The following CAMSAP3 variants were observed in gnomAD, a reference collection of about 807,000 sequenced individuals.
CAMSAP3 encodes the protein calmodulin regulated spectrin associated protein family member 3.
A neutral mutation model predicts 112.5 loss-of-function variants in CAMSAP3; 34 were observed. That is an observed-to-expected ratio of 0.30 (90% CI 0.23 to 0.40). The LOEUF is 0.40. Among genes scored for constraint, CAMSAP3 ranks in the 10% least tolerant of loss-of-function variants. The pLI is 1.00. For missense variants in CAMSAP3, 1,602 were observed against 1,770.3 expected, an observed-to-expected ratio of 0.90 and a Z score of 1.71; for synonymous variants, 868 against 799.8, an observed-to-expected ratio of 1.09 and a Z score of -1.44.
In CAMSAP3 at chr19:7,615,608, C is replaced by A; in HGVS notation, c.3001C>A (p.Arg1001=). The change falls in exon 13 of 17, where the codon CGG becomes AGG. Residue 1001 remains arginine (R), a synonymous_variant. Coordinates refer to ENST00000160298, the MANE Select transcript of CAMSAP3 (RefSeq NM_020902.2). The surrounding 1 kb of genome is among the most constrained non-coding windows in gnomAD (Gnocchi z 6.5). Reference sequence around the variant, plus strand: ...CGACCTCGATAAGGTGCTGCGGCCCCGGGCTGCGGGGTCCGGGGGTCCAGG... The same window carrying A: ...CGACCTCGATAAGGTGCTGCGGCCCAGGGCTGCGGGGTCCGGGGGTCCAGG... ...MDDLDKVLRP[R]AAGSGGPGRG... The A allele has an allele frequency of 6.8e-7, 1 of 1,461,074 alleles. No individual in the cohort carries two copies. Among genetic ancestry groups the A allele is most frequent in the Non-Finnish European group, 9.0e-7 (1 of 1,107,630 alleles). The allele number at this position is 1,461,074 out of a possible 1,614,324, so 90.5% of individuals were successfully genotyped here.
chr19:7,605,584 T>G (rs1298081736), intron 2 of CAMSAP3, 105 bp downstream of exon 2: 11 of 1,278,886 alleles, frequency 8.6e-6, no homozygotes, highest in Non-Finnish European at 1.1e-5. Flanking sequence ...CTATCAGTCT[T>G]GGCTCCTTTC....
At chr19:7,616,151 T>A (rs1241748428) in intron 13 of CAMSAP3, among the ~76,000 whole-genome samples, 1 of 148,788 alleles carries the variant, frequency 6.7e-6, no homozygotes, top group African/African-American at 2.5e-5. Flanking sequence ...TGCACCACTG[T>A]ACTCCAGCCT....
intron 2 of CAMSAP3, 126 bp downstream of exon 2, chr19:7,605,605 G>T: frequency 8.8e-7 from 1 of 1,132,326 alleles, no homozygotes; most frequent in East Asian, 3.1e-5. Context: ...AAGCTTTGTC[G>T]ATTAAGCCTA....
chr19:7,595,932 G>C lies in CAMSAP3; in HGVS notation c.-71G>C. ...GGTAGCAGCAGCGGGCCCGGCTGGG[G>C]CGCGAGCGCGGCGCAGCCCAGCCCA... On this transcript the variant is annotated 5_prime_UTR_variant, in exon 1 of 17. Transcript: ENST00000160298. 1 of 782,938 alleles carries C rather than the reference G, an allele frequency of 1.3e-6. No homozygotes were observed. Among genetic ancestry groups the C allele is most frequent in the Non-Finnish European group, 1.6e-6 (1 of 644,882 alleles). 48.5% of individuals were successfully genotyped at this position (782,938 alleles called of 1,614,324 possible). A position where few individuals can be genotyped will look rare whatever the true frequency, so the allele number is the denominator to read the frequency against.
intron 11 of CAMSAP3, chr19:7,614,921 GCACT>G: frequency 1.7e-6 from 1 of 574,544 alleles, no homozygotes. Flanking sequence ...GCTTTTGCTG[GCACT>G]CACTGCTGTC....
At chr19:7,606,856 C>CTCTG in intron 4 of CAMSAP3, 1 of 1,597,118 alleles carries the variant, frequency 6.3e-7, no homozygotes, top group Non-Finnish European at 8.6e-7. Context: ...CTGCTTGTAG[C>CTCTG]TCTGTCTGTC....
Position 7,617,419 on chromosome 19 carries a change from G to A in CAMSAP3, c.3306G>A (p.Ala1102=), listed in dbSNP as rs368269964. Residue 1102 remains alanine (A), a synonymous_variant, in exon 15 of 17, where the codon GCG becomes GCA. Coordinates refer to ENST00000160298, the MANE Select transcript of CAMSAP3 (RefSeq NM_020902.2). The surrounding 1 kb of genome is among the most constrained non-coding windows in gnomAD (Gnocchi z 7.5). ...WENGSNASSP[A]SVPEYTGPRL... is the part of the protein sequence containing the mutation. Reference sequence around the variant, plus strand: ...ATGGCAGCAATGCCTCCTCCCCAGCGTCAGTGCCCGAGTACACAGGTAAGC... The same window carrying A: ...ATGGCAGCAATGCCTCCTCCCCAGCATCAGTGCCCGAGTACACAGGTAAGC... 105 of 1,613,870 alleles carry A rather than the reference G, an allele frequency of 6.5e-5. No homozygotes were observed. The highest frequency in any genetic ancestry group is 8.1e-5 in the Non-Finnish European group (95 of 1,179,958).
rs77895469 is a variant in CAMSAP3 at position 7,612,687 on chromosome 19, G to A, written c.2194G>A (p.Glu732Lys). Reference sequence around the variant, plus strand: ...GCAGCAGCGGCTCCTGGCCCCGCCCGAGGCCCCCGGATCCGCCCCACCACC... The same window carrying A: ...GCAGCAGCGGCTCCTGGCCCCGCCCAAGGCCCCCGGATCCGCCCCACCACC... ...DQQQRLLAPP[E>K]APGSAPPPAA... Residue 732 changes from glutamate to lysine, a missense_variant, in exon 11 of 17, where the codon GAG (glutamate) becomes AAG (lysine). Coordinates refer to ENST00000160298, the MANE Select transcript of CAMSAP3 (RefSeq NM_020902.2). The A allele has an allele frequency of 6.6e-7, 1 of 1,513,064 alleles. No individual in the cohort carries two copies. The highest frequency in any genetic ancestry group is 8.8e-7 in the Non-Finnish European group (1 of 1,133,150). The allele number at this position is 1,513,064 out of a possible 1,614,324, so 93.7% of individuals were successfully genotyped here. A position where few individuals can be genotyped will look rare whatever the true frequency, so the allele number is the denominator to read the frequency against.
rs771062284 is a variant in CAMSAP3, at chr19:7,611,785, G to C, written c.1292G>C (p.Ser431Thr). ...GACCCTGTGCTCCTCCGCTCTGTGA[G>C]CTCGGACAGCCTGGGCCCCCCGCGT... ...MGDPVLLRSV[S>T]SDSLGPPRPA... Residue 431 changes from serine to threonine, a missense_variant, in exon 11 of 17, where the codon AGC (serine) becomes ACC (threonine). Transcript: ENST00000160298. This position sits in a 1 kb window ranked among gnomAD's most constrained non-coding sequence, Gnocchi z 6.9. 1 of 1,597,512 alleles carries C rather than the reference G, an allele frequency of 6.3e-7. No homozygotes were observed. The highest frequency in any genetic ancestry group is 8.5e-7 in the Non-Finnish European group (1 of 1,172,536).
At position 7,606,727 on chromosome 19, in the gene CAMSAP3, G is replaced by A. The variant is rs758114281; in HGVS notation, c.621+156G>A. On this transcript the variant is annotated intron_variant, in intron 4 of 16. Transcript: ENST00000160298. The stretch of plus-strand genomic sequence containing the variant: ...CTCTCAATCTCTCTGTGCCCTGCCC[G>A]TCCCCTGTGCCGGTACCCGCTGCCC... 2.3e-5 allele frequency: 37 copies of A among 1,612,014 alleles called. No individual in the cohort carries two copies. In the East Asian group the frequency reaches 6.0e-4, roughly 26 times the overall value.
chr19:7,611,915 C>G lies in CAMSAP3; in HGVS notation c.1422C>G (p.Leu474=). The G allele has an allele frequency of 6.3e-7, 1 of 1,587,160 alleles. No individual in the cohort carries two copies. The highest frequency in any genetic ancestry group is 1.1e-5 in the South Asian group (1 of 88,792). Residue 474 remains leucine, a synonymous_variant, in exon 11 of 17, where the codon CTC becomes CTG. Transcript: ENST00000160298. This position sits in a 1 kb window ranked among gnomAD's most constrained non-coding sequence, Gnocchi z 6.9. ...QIIHSAEPRL[L]PDGAADGSFY... ...TCCACAGTGCCGAGCCCCGGCTCCT[C>G]CCAGATGGGGCGGCCGACGGCAGCT...
intron 1 of CAMSAP3, among the ~76,000 whole-genome samples, chr19:7,598,691 G>A (rs1568437315): frequency 6.6e-6 from 1 of 152,138 alleles, no homozygotes; most frequent in Non-Finnish European, 1.5e-5. Flanking sequence ...GGGAGGCTGA[G>A]GCAGGAGAAT....
At chr19:7,596,270 G>A in intron 1 of CAMSAP3, 120 bp downstream of exon 1, 2 of 388,954 alleles carry the variant, frequency 5.1e-6, no homozygotes, top group Non-Finnish European at 7.1e-6. Context: ...GCCGGCCGCC[G>A]GGGGTCCCCG....
chr19:7,596,555 T>A (rs530219504), intron 1 of CAMSAP3, among the ~76,000 whole-genome samples: 1 of 151,974 alleles, frequency 6.6e-6, no homozygotes, highest in East Asian at 2.0e-4. Context: ...CCTGCGAGGA[T>A]CTCCTCTCGG....
Position 7,613,009 on chromosome 19 carries a change from C to G in CAMSAP3, c.2516C>G (p.Ala839Gly). 1 of 1,564,158 alleles carries G rather than the reference C, an allele frequency of 6.4e-7. No individual in the cohort carries two copies. The highest frequency in any genetic ancestry group is 1.9e-5 in the Admixed American group (1 of 53,762). Residue 839 changes from alanine to glycine, a missense_variant, in exon 11 of 17, where the codon GCC becomes GGC. Around this residue, in one of 6 missense-constraint regions of CAMSAP3, gnomAD observed 1,100 missense variants for 1,135.7 expected, o/e 0.97. Transcript: ENST00000160298. ...GAGACGCCCCCCGAGGAGCCAGCCG[C>G]CCGGCCGGGCCTCATCGAGATCCCG... ...AEETPPEEPA[A>G]RPGLIEIPLG...
At position 7,615,375 on chromosome 19, in the gene CAMSAP3, G is replaced by A. The variant is rs1374567625; in HGVS notation, c.2811-43G>A. The A allele has an allele frequency of 6.5e-7, 1 of 1,533,920 alleles. No individual in the cohort carries two copies. The highest frequency in any genetic ancestry group is 8.8e-7 in the Non-Finnish European group (1 of 1,138,206). On this transcript the variant is annotated intron_variant, in intron 12 of 16. Transcript: ENST00000160298. This position sits in a 1 kb window ranked among gnomAD's most constrained non-coding sequence, Gnocchi z 6.5. ...GCTCCTTGGCCTGTCTGCCACCGCG[G>A]ACCCCGTGAGCGGTTCTGATGCCGA...
rs1024891078 is a variant in CAMSAP3 at position 7,615,912 on chromosome 19, G to A, written c.3112+193G>A. ...TGGGTAAAGACTTCCATAGGGGGCC[G>A]GGCGCGGTGGCTCACGCCTGTAATC... On this transcript the variant is annotated intron_variant, in intron 13 of 16. Coordinates refer to ENST00000160298, the MANE Select transcript of CAMSAP3 (RefSeq NM_020902.2). The surrounding 1 kb of genome is among the most constrained non-coding windows in gnomAD (Gnocchi z 6.5). Among the ~76,000 whole-genome samples, 5 of 152,118 alleles carry A rather than the reference G, an allele frequency of 3.3e-5. No individual in the cohort carries two copies. Among genetic ancestry groups the A allele is most frequent in the African/African-American group, 7.2e-5 (3 of 41,436 alleles).
At chr19:7,606,660 G>A in intron 4 of CAMSAP3, 89 bp downstream of exon 4, 1 of 1,546,980 alleles carries the variant, frequency 6.5e-7, no homozygotes, top group Non-Finnish European at 8.8e-7. Flanking sequence ...CCTGAAGTGG[G>A]GAGGGGGCTA....
Position 7,612,377 on chromosome 19 carries a change from C to T in CAMSAP3, c.1884C>T (p.His628=). Residue 628 remains histidine (H), a synonymous_variant, in exon 11 of 17, where the codon CAC becomes CAT. Coordinates refer to ENST00000160298, the MANE Select transcript of CAMSAP3 (RefSeq NM_020902.2). ...KRRIEAIFAK[H]RQRLGKSAFL... The stretch of plus-strand genomic sequence containing the variant: ...GGATTGAGGCCATATTCGCCAAGCA[C>T]CGCCAGCGGCTGGGCAAAAGCGCCT... 6.3e-7 allele frequency: 1 copy of T among 1,599,458 alleles called. No homozygotes were observed. Among genetic ancestry groups the T allele is most frequent in the Non-Finnish European group, 8.5e-7 (1 of 1,175,930 alleles).
Sources: allele counts gnomAD v4.1 joint callset (sites outside exome capture counted in the v4.1 genomes callset), GRCh38; gene constraint gnomAD v4.1.1; regional missense constraint gnomAD v4.1.1; non-coding constraint Gnocchi (gnomAD v3.1); transcripts MANE v1.5; gene names NCBI Gene and HGNC (gene_info 2026-07-23, HGNC 2026-07-21).